Variants in MAST4 observed in about 807,000 individuals in gnomAD.
The protein encoded by MAST4 is microtubule associated serine/threonine kinase family member 4.
MAST4 carries 89 observed loss-of-function variants against 162.7 expected under a neutral mutation model. The observed-to-expected ratio is 0.55, with a 90% CI of 0.46 to 0.65. MAST4 has a LOEUF of 0.65. Ranked by LOEUF, MAST4 falls within the 30% of genes least tolerant of loss-of-function variation. MAST4 has a pLI of 0.00. For synonymous variants in MAST4, 1,479 were observed against 1,361.1 expected (o/e 1.09, Z -1.91); for missense variants, 3,153 against 3,374.0 (o/e 0.93, Z 1.62).
At chr5:67,000,757 G>T (rs982609463) in intron 4 of MAST4, among the ~76,000 whole-genome samples, 2 of 76,276 alleles carry the variant, frequency 2.6e-5, no homozygotes, top group Admixed American at 1.5e-4. Context: ...TAAAAAAAAA[G>T]GGGGGGGGTG....
rs1322372089 is a variant in MAST4, at chr5:67,167,661, A to C, written c.*610A>C. ...GAGTTTTTATGTGTATTTTAACCAGAGTTTCTGATAGTACTGTATCTGGCT... is the reference window on the plus strand; with the variant it reads ...GAGTTTTTATGTGTATTTTAACCAGCGTTTCTGATAGTACTGTATCTGGCT... On this transcript the variant is annotated 3_prime_UTR_variant, in exon 29 of 29. Transcript: ENST00000403625. 6.6e-6 allele frequency: 1 copy of C among 152,226 alleles called. No homozygotes were observed. Among genetic ancestry groups the C allele is most frequent in the Non-Finnish European group, 1.5e-5 (1 of 68,042 alleles). 9.4% of individuals were successfully genotyped at this position (152,226 alleles called of 1,614,324 possible).
chr5:66,616,340 T>C (rs967751295), intron 1 of MAST4, among the ~76,000 whole-genome samples: 5 of 152,216 alleles, frequency 3.3e-5, no homozygotes, highest in African/African-American at 1.2e-4. Context: ...GAAGAGATGT[T>C]TTAAATTTTT....
rs1436656788 is a variant in MAST4 at position 67,149,388 on chromosome 5, G to T, written c.3095-1G>T. Reference sequence around the variant, plus strand: ...GTGTTTATCCCTTCTTCTTTGTACAGTTGGCAGTTTTTCAGAGCACTTGGA... The same window carrying T: ...GTGTTTATCCCTTCTTCTTTGTACATTTGGCAGTTTTTCAGAGCACTTGGA... On this transcript the variant is annotated splice_acceptor_variant, in intron 23 of 28. Coordinates refer to ENST00000403625, the MANE Select transcript of MAST4 (RefSeq NM_001164664.2). LOFTEE classifies it high-confidence loss of function. 6.2e-7 allele frequency: 1 copy of T among 1,611,500 alleles called. No individual in the cohort carries two copies. The highest frequency in any genetic ancestry group is 8.5e-7 in the Non-Finnish European group (1 of 1,178,800).
chr5:66,938,417 A>T (rs1240456914), intron 4 of MAST4, among the ~76,000 whole-genome samples: 1 of 152,218 alleles, frequency 6.6e-6, no homozygotes, highest in Non-Finnish European at 1.5e-5. Flanking sequence ...AATGGCTTCA[A>T]GATATGAAAA....
Position 67,104,592 on chromosome 5 carries a change from A to C in MAST4, c.1356+17A>C. The C allele has an allele frequency of 6.3e-7, 1 of 1,597,994 alleles. No individual in the cohort carries two copies. The highest frequency in any genetic ancestry group is 8.5e-7 in the Non-Finnish European group (1 of 1,169,784). On this transcript the variant is annotated intron_variant, in intron 10 of 28. Coordinates refer to ENST00000403625, the MANE Select transcript of MAST4 (RefSeq NM_001164664.2). ...CTACAGGAGGTAAGAACCATGTACC[A>C]TATAGTTTTCTGATTTATTTTGCTT...
intron 4 of MAST4, among the ~76,000 whole-genome samples, chr5:67,053,119 A>G (rs1177674266): frequency 6.6e-6 from 1 of 152,224 alleles, no homozygotes; most frequent in Non-Finnish European, 1.5e-5. Context: ...AAACTCACAG[A>G]TAATACTAGG....
At chr5:66,814,174 T>A (rs1317321600) in intron 3 of MAST4, among the ~76,000 whole-genome samples, 2 of 152,198 alleles carry the variant, frequency 1.3e-5, no homozygotes, top group Non-Finnish European at 2.9e-5. Context: ...TTTTGTGATG[T>A]TACCTGGCCT....
At position 67,054,442 on chromosome 5, in the gene MAST4, G is replaced by A. The variant is rs193108940; in HGVS notation, c.713G>A (p.Gly238Glu). The A allele has an allele frequency of 6.2e-7, 1 of 1,611,088 alleles. No individual in the cohort carries two copies. The highest frequency in any genetic ancestry group is 1.3e-5 in the African/African-American group (1 of 74,948). ...TSNRKSLIGNGQSPALPRPHS... is the reference protein window; with the variant it reads ...TSNRKSLIGNEQSPALPRPHS... ...AACCGGAAAAGCTTAATAGGCAATG[G>A]GCAGTCACCAGCATTGCCTCGACCA... Residue 238 changes from glycine (G) to glutamate (E), a missense_variant, in exon 5 of 29, where the codon GGG (glycine) becomes GAG (glutamate). Gly to Glu is a moderately conservative substitution (Grantham distance 98). Coordinates refer to ENST00000403625, the MANE Select transcript of MAST4 (RefSeq NM_001164664.2).
At chr5:67,055,702 G>A (rs1250637557) in intron 5 of MAST4, among the ~76,000 whole-genome samples, 2 of 152,180 alleles carry the variant, frequency 1.3e-5, no homozygotes, top group African/African-American at 4.8e-5. Context: ...TAAAACCTTA[G>A]AGTTGGAGAA....
chr5:67,011,685 C>A (rs1752687132), intron 4 of MAST4, among the ~76,000 whole-genome samples: 1 of 152,196 alleles, frequency 6.6e-6, no homozygotes, highest in Admixed American at 6.5e-5. Context: ...ACTGTGGCAG[C>A]ATTCGCAGAT....
rs968101488 is a variant in MAST4, at chr5:67,100,350, C to A, written c.913-85C>A. The A allele has an allele frequency of 3.0e-6, 4 of 1,354,170 alleles. No homozygotes were observed. The African/African-American group carries it at 4.4e-5, about 15-fold the overall frequency. The allele number at this position is 1,354,170 out of a possible 1,614,324, so 83.9% of individuals were successfully genotyped here. ...GAAACAATAAAAATGGTGGTATTGT[C>A]CAAGTTTAACTCATCGATCTCTCCT... On this transcript the variant is annotated intron_variant, in intron 7 of 28. Transcript: ENST00000403625.
At chr5:66,657,523 T>C (rs759633377) in intron 1 of MAST4, among the ~76,000 whole-genome samples, 7 of 152,246 alleles carry the variant, frequency 4.6e-5, no homozygotes, top group Non-Finnish European at 1.0e-4. Context: ...TCAGTAGTAA[T>C]ATTTTTCTTC....
At chr5:66,801,291 C>T (rs960617449) in intron 3 of MAST4, among the ~76,000 whole-genome samples, 2 of 151,984 alleles carry the variant, frequency 1.3e-5, no homozygotes, top group South Asian at 2.1e-4. Context: ...CCACCATCAC[C>T]GAGAGGATTG....
chr5:67,104,976 G>A (rs1223465257), intron 10 of MAST4, among the ~76,000 whole-genome samples: 1 of 152,174 alleles, frequency 6.6e-6, no homozygotes, highest in East Asian at 1.9e-4. Flanking sequence ...CTTCTTCCAG[G>A]CTGTGTGTTC....
intron 1 of MAST4, among the ~76,000 whole-genome samples, chr5:66,718,290 T>C (rs1750980301): frequency 1.3e-5 from 2 of 152,044 alleles, no homozygotes; most frequent in Non-Finnish European, 2.9e-5. Context: ...AAGCACCTTT[T>C]ACAGCTTGTC....
Position 67,165,913 on chromosome 5 carries a change from G to A in MAST4, c.6734G>A (p.Ser2245Asn), listed in dbSNP as rs200619464. 2.2e-4 allele frequency: 361 copies of A among 1,613,388 alleles called. No individual in the cohort carries two copies. Among genetic ancestry groups the A allele is most frequent in the Non-Finnish European group, 2.8e-4 (325 of 1,179,882 alleles). ...SSREGKGHSK[S>N]GPDVFPATPG... ...AGAGAGGGGAAGGGCCACAGTAAGA[G>A]TGGGCCGGATGTGTTTCCTGCTACC... Residue 2245 changes from serine to asparagine, a missense_variant, in exon 29 of 29, where the codon AGT becomes AAT. Ser to Asn is a conservative substitution (Grantham distance 46). This residue lies in a region of MAST4 where 1,644 missense variants were observed against 1,495.0 expected (regional missense o/e 1.10). Transcript: ENST00000403625.
intron 1 of MAST4, among the ~76,000 whole-genome samples, chr5:66,628,830 G>A (rs1438537286): frequency 1.3e-5 from 2 of 152,128 alleles, no homozygotes; most frequent in Non-Finnish European, 2.9e-5. Context: ...GAGAAGCAGA[G>A]CTTTTCTTGG....
chr5:66,938,342 G>C (rs1742988349), intron 4 of MAST4, among the ~76,000 whole-genome samples: 1 of 152,052 alleles, frequency 6.6e-6, no homozygotes. Context: ...TAGTTACATG[G>C]TAATTTTGTC....
At chr5:66,786,098 G>C (rs754740513) in intron 2 of MAST4, among the ~76,000 whole-genome samples, 28 of 152,162 alleles carry the variant, frequency 1.8e-4, no homozygotes, top group Admixed American at 5.2e-4. Context: ...TGAACACTTA[G>C]GCTCGAGGGA....
Sources: gnomAD v4.1 joint callset for allele counts (sites outside exome capture counted in the v4.1 genomes callset) on GRCh38, gnomAD v4.1.1 for gene constraint, gnomAD v4.1.1 regional missense constraint, MANE v1.5 for transcripts, NCBI Gene and HGNC (gene_info 2026-07-23, HGNC 2026-07-21) for gene names.